The following SGCZ variants were observed in gnomAD, a reference collection of about 807,000 sequenced individuals.
SGCZ encodes sarcoglycan zeta.
A neutral mutation model predicts 41.3 loss-of-function variants in SGCZ; 40 were observed. The ratio of observed to expected loss-of-function variants is 0.97; its 90% CI spans 0.75 to 1.26. The LOEUF (loss-of-function observed/expected upper bound fraction) is 1.26. Among genes scored for constraint, SGCZ ranks in the 50% most tolerant of loss-of-function variants. The probability of loss-of-function intolerance (pLI) is 0.00; values close to 1 mark genes in which losing one functional copy is unlikely to be tolerated. For synonymous variants in SGCZ, 206 were observed against 137.5 expected (o/e 1.50, Z -3.49); for missense variants, 552 against 369.8 (o/e 1.49, Z -4.04).
intron 2 of SGCZ, among the ~76,000 whole-genome samples, chr8:14,391,087 T>C (rs1563298676): frequency 6.6e-6 from 1 of 152,090 alleles, no homozygotes; most frequent in Non-Finnish European, 1.5e-5. Flanking sequence ...ATAGTAAGTC[T>C]CTAGGGCTAA....
chr8:14,459,296 T>TCC (rs1800835242), intron 2 of SGCZ, among the ~76,000 whole-genome samples: 1 of 151,946 alleles, frequency 6.6e-6, no homozygotes, highest in South Asian at 2.1e-4. Flanking sequence ...AGGGATAGTA[T>TCC]TAGGAGATAT....
intron 1 of SGCZ, among the ~76,000 whole-genome samples, chr8:15,195,286 C>G (rs546143540): frequency 6.0e-4 from 92 of 152,232 alleles, no homozygotes; most frequent in South Asian, 2.9e-3. Context: ...CATCATTAAT[C>G]TTTGAGGATG....
At chr8:14,786,194 T>G (rs1800761786) in intron 1 of SGCZ, among the ~76,000 whole-genome samples, 1 of 152,160 alleles carries the variant, frequency 6.6e-6, no homozygotes, top group Admixed American at 6.5e-5. Flanking sequence ...TCTTTCAAAC[T>G]TGTCTTTGAC....
chr8:14,310,207 G>C (rs1460012154), intron 3 of SGCZ, among the ~76,000 whole-genome samples: 1 of 152,002 alleles, frequency 6.6e-6, no homozygotes, highest in Non-Finnish European at 1.5e-5. Flanking sequence ...TTCCCTATTT[G>C]ATAGTATTAG....
At chr8:14,186,676 G>A (rs1804913132) in intron 4 of SGCZ, among the ~76,000 whole-genome samples, 1 of 152,180 alleles carries the variant, frequency 6.6e-6, no homozygotes, top group South Asian at 2.1e-4. Flanking sequence ...GAGAGAGGCA[G>A]GCTGTAAAAC....
intron 2 of SGCZ, among the ~76,000 whole-genome samples, chr8:14,464,907 G>T (rs574805197): frequency 1.3e-5 from 2 of 151,038 alleles, no homozygotes; most frequent in Non-Finnish European, 3.0e-5. Context: ...TTCTGTTATT[G>T]ATTCCTAATT....
chr8:14,635,305 C>A (rs186728679), intron 1 of SGCZ, among the ~76,000 whole-genome samples: 7 of 151,882 alleles, frequency 4.6e-5, no homozygotes, highest in Admixed American at 4.6e-4. Context: ...ACCTTTTTAG[C>A]CATGAGAAAT....
intron 2 of SGCZ, among the ~76,000 whole-genome samples, chr8:14,525,312 G>C (rs560414692): frequency 5.9e-5 from 9 of 152,172 alleles, no homozygotes; most frequent in Non-Finnish European, 7.4e-5. Context: ...CTTTGAGATA[G>C]ATATTCCTGT....
At chr8:15,227,468 A>G (rs1801816556) in intron 1 of SGCZ, among the ~76,000 whole-genome samples, 1 of 152,222 alleles carries the variant, frequency 6.6e-6, no homozygotes, top group Non-Finnish European at 1.5e-5. Flanking sequence ...ACGTCTTATA[A>G]TGTAAACTTT....
At chr8:14,276,505 C>G (rs1361954035) in intron 3 of SGCZ, among the ~76,000 whole-genome samples, 1 of 152,120 alleles carries the variant, frequency 6.6e-6, no homozygotes, top group Non-Finnish European at 1.5e-5. Flanking sequence ...GCTTCAACAA[C>G]AAATAGTACC....
intron 5 of SGCZ, among the ~76,000 whole-genome samples, chr8:14,135,149 G>C (rs1421460808): frequency 6.6e-6 from 1 of 152,082 alleles, no homozygotes; most frequent in Non-Finnish European, 1.5e-5. Flanking sequence ...GCTTTCTACT[G>C]TGTTTCCTAG....
In SGCZ at chr8:14,429,788, T is replaced by A. The variant is rs370130422; in HGVS notation, c.235-105584A>T. Among the ~76,000 whole-genome samples, 18 of 152,126 alleles carry A rather than the reference T, an allele frequency of 1.2e-4. No homozygotes were observed. In the East Asian group the frequency reaches 3.5e-3, roughly 30 times the overall value. ...ATTTGTAAACAAAGTTTTCTTGGAC[T>A]TGTTTTTTTTTTAGTGGTAATTTAT... is the stretch of plus-strand genomic sequence containing the variant. On this transcript the variant is annotated intron_variant, in intron 2 of 7. Coordinates refer to ENST00000382080, the MANE Select transcript of SGCZ (RefSeq NM_139167.4).
Position 14,751,603 on chromosome 8 carries a change from G to A in SGCZ, c.40-196677C>T, listed in dbSNP as rs937615048. Among the ~76,000 whole-genome samples the A allele has an allele frequency of 9.2e-5, 14 of 152,250 alleles. No homozygotes were observed. In the East Asian group the frequency reaches 2.7e-3, roughly 29 times the overall value. ...CACAGATTGAAGTCATTTAATGCAT[G>A]AGATTGCCTGAAAAGAGAGGCTGGT... On this transcript the variant is annotated intron_variant, in intron 1 of 7. Transcript: ENST00000382080.
chr8:14,805,433 G>C (rs1225434705), intron 1 of SGCZ, among the ~76,000 whole-genome samples: 1 of 112,914 alleles, frequency 8.9e-6, no homozygotes, highest in Non-Finnish European at 1.9e-5. Context: ...TGCAATCCTA[G>C]TCTCTGATAA....
intron 1 of SGCZ, among the ~76,000 whole-genome samples, chr8:14,979,675 C>A (rs1010201367): frequency 6.6e-6 from 1 of 152,126 alleles, no homozygotes; most frequent in African/African-American, 2.4e-5. Flanking sequence ...CATATGAATT[C>A]GAAGCTGTGC....
intron 1 of SGCZ, among the ~76,000 whole-genome samples, chr8:15,187,596 C>G (rs1800385571): frequency 6.6e-6 from 1 of 151,950 alleles, no homozygotes; most frequent in Non-Finnish European, 1.5e-5. Flanking sequence ...GACTCAAAAT[C>G]ACATAAAGAA....
At chr8:14,700,055 C>T (rs753943732) in intron 1 of SGCZ, among the ~76,000 whole-genome samples, 4 of 151,936 alleles carry the variant, frequency 2.6e-5, no homozygotes, top group Non-Finnish European at 4.4e-5. Context: ...GGAGATTTCT[C>T]GAAGAACTTA....
chr8:14,159,706 C>A (rs192988692), intron 5 of SGCZ, among the ~76,000 whole-genome samples: 3 of 152,122 alleles, frequency 2.0e-5, no homozygotes, highest in East Asian at 1.9e-4. Flanking sequence ...TTGAACAAAG[C>A]GGCTCCATCC....
intron 1 of SGCZ, among the ~76,000 whole-genome samples, chr8:14,760,932 A>G (rs1799851176): frequency 6.6e-6 from 1 of 152,180 alleles, no homozygotes; most frequent in African/African-American, 2.4e-5. Context: ...AGCTCAAGGT[A>G]TATTTGGGTG....
Sources: allele counts gnomAD v4.1 joint callset (sites outside exome capture counted in the v4.1 genomes callset), GRCh38; gene constraint gnomAD v4.1.1; transcripts MANE v1.5; gene names NCBI Gene and HGNC (gene_info 2026-07-23, HGNC 2026-07-21).